The following PPIA variants were observed in gnomAD, a reference collection of about 807,000 sequenced individuals.
PPIA encodes peptidylprolyl isomerase A, also known as peptidyl-prolyl cis-trans isomerase A.
PPIA carries 2 observed loss-of-function variants against 15.3 expected under a neutral mutation model. The observed-to-expected ratio is 0.13, with a 90% confidence interval of 0.05 to 0.41. PPIA has a LOEUF of 0.41. Ranked by LOEUF, PPIA falls within the 10% of genes least tolerant of loss-of-function variation. The pLI, the probability that PPIA is intolerant of heterozygous loss-of-function variation, is 0.99. For synonymous variants in PPIA, 67 were observed against 73.1 expected (o/e 0.92, Z 0.43); for missense variants, 103 against 210.3 (o/e 0.49, Z 3.16).
Position 44,799,888 on chromosome 7 carries a change from A to T in PPIA, c.362+14A>T, listed in dbSNP as rs1247734520. ...CAAGACTGAGTGGTAAGGGTACAAC[A>T]TGGCACACTAACCACCTGACTAAAT... On this transcript the variant is annotated intron_variant, in intron 4 of 4. Transcript: ENST00000468812. 1 of 1,606,822 alleles carries T rather than the reference A, an allele frequency of 6.2e-7. No homozygotes were observed. The highest frequency in any genetic ancestry group is 1.7e-5 in the Admixed American group (1 of 59,976).
At chr7:44,797,131 G>A (rs1792397033) in intron 1 of PPIA, among the ~76,000 whole-genome samples, 1 of 152,218 alleles carries the variant, frequency 6.6e-6, no homozygotes, top group Non-Finnish European at 1.5e-5. Flanking sequence ...GAGTCGTTGG[G>A]CTCCGCCCTA....
At chr7:44,799,027 T>C (rs1236111184) in intron 1 of PPIA, 3 of 1,138,790 alleles carry the variant, frequency 2.6e-6, no homozygotes, top group Non-Finnish European at 3.5e-6. Context: ...ATTTAAGTTA[T>C]GACTAGTATT....
At chr7:44,801,011 G>GT (rs921940385) in intron 4 of PPIA, among the ~76,000 whole-genome samples, 2 of 151,628 alleles carry the variant, frequency 1.3e-5, no homozygotes, top group Non-Finnish European at 2.9e-5. Flanking sequence ...TAGAGACAGG[G>GT]TTTCACCGTG....
chr7:44,798,557 A>T, intron 1 of PPIA: 1 of 185,912 alleles, frequency 5.4e-6, no homozygotes, highest in Non-Finnish European at 1.0e-5. Context: ...CACGGATACT[A>T]GTAGTTAATT....
At position 44,801,648 on chromosome 7, in the gene PPIA, G is replaced by C; in HGVS notation, c.*226G>C. ...TAACAATTGTCCTCGTTTGAGTTAA[G>C]AGTGTTGATGTAGGCTTTATTTTAA... On this transcript the variant is annotated 3_prime_UTR_variant, in exon 5 of 5. Transcript: ENST00000468812. 1 of 57,772 alleles carries C rather than the reference G, an allele frequency of 1.7e-5. No homozygotes were observed. The highest frequency in any genetic ancestry group is 7.0e-5 in the East Asian group (1 of 14,272). The allele number at this position is 57,772 out of a possible 1,614,324, so 3.6% of individuals were successfully genotyped here. A position where few individuals can be genotyped will look rare whatever the true frequency, so the allele number is the denominator to read the frequency against.
Position 44,801,495 on chromosome 7 carries a change from T to G in PPIA, c.*73T>G. The G allele has an allele frequency of 8.6e-7, 1 of 1,169,436 alleles. No homozygotes were observed. Among genetic ancestry groups the G allele is most frequent in the Non-Finnish European group, 1.2e-6 (1 of 812,830 alleles). The allele number at this position is 1,169,436 out of a possible 1,614,324, so 72.4% of individuals were successfully genotyped here. Reference sequence around the variant, plus strand: ...TCAGGAGAGCACCCCTCCACCCCATTTGCTCGCAGTATCCTAGAATCTTTG... The same window carrying G: ...TCAGGAGAGCACCCCTCCACCCCATGTGCTCGCAGTATCCTAGAATCTTTG... On this transcript the variant is annotated 3_prime_UTR_variant, in exon 5 of 5. Transcript: ENST00000468812.
chr7:44,796,935 G>T lies in PPIA; in HGVS notation c.69+142G>T, dbSNP rs552219683. 4 of 940,888 alleles carry T rather than the reference G, an allele frequency of 4.3e-6. No homozygotes were observed. In the South Asian group the frequency reaches 7.4e-5, roughly 17 times the overall value. 58.3% of individuals were successfully genotyped at this position (940,888 alleles called of 1,614,324 possible). On this transcript the variant is annotated intron_variant, in intron 1 of 4. Transcript: ENST00000468812. ...GCGGGCTGCGGCGCCATTTCCTGACGAGGGGCCATTTTGGGAGGTCCGCGA... is the reference window on the plus strand; with the variant it reads ...GCGGGCTGCGGCGCCATTTCCTGACTAGGGGCCATTTTGGGAGGTCCGCGA...
intron 4 of PPIA, 94 bp from the exon 5 acceptor site, chr7:44,801,193 A>AG: frequency 7.4e-7 from 1 of 1,357,770 alleles, no homozygotes; most frequent in Non-Finnish European, 1.0e-6. Flanking sequence ...AGTTAAAAAA[A>AG]AAAAAAAAAG....
At chr7:44,799,933 A>C in intron 4 of PPIA, 59 bp downstream of exon 4, 2 of 1,527,658 alleles carry the variant, frequency 1.3e-6, no homozygotes, top group Non-Finnish European at 1.8e-6. Flanking sequence ...CCCTGGGGGG[A>C]ACGGAACAAA....
intron 4 of PPIA, among the ~76,000 whole-genome samples, chr7:44,801,073 T>G (rs17860081): frequency 0.03 from 4,521 of 150,728 alleles, 96 homozygotes; most frequent in Non-Finnish European, 0.043. Context: ...CGCCTTGGCC[T>G]CCCAAAGTGC....
chr7:44,796,763 C>G lies in PPIA; in HGVS notation c.39C>G (p.Asp13Glu). The G allele has an allele frequency of 6.2e-7, 1 of 1,609,320 alleles. No homozygotes were observed. The highest frequency in any genetic ancestry group is 8.5e-7 in the Non-Finnish European group (1 of 1,178,442). The change falls in exon 1 of 5, where the codon GAC (aspartate) becomes GAG (glutamate). Residue 13 changes from aspartate (D) to glutamate (E), a missense_variant. Coordinates refer to ENST00000468812, the MANE Select transcript of PPIA (RefSeq NM_021130.5). ...CCGTGTTCTTCGACATTGCCGTCGA[C>G]GGCGAGCCCTTGGGCCGCGTCTCCT... The part of the protein sequence containing the change: ...NPTVFFDIAV[D>E]GEPLGRVSFE...
chr7:44,799,374 T>C lies in PPIA; in HGVS notation c.101-18T>C. The C allele has an allele frequency of 6.2e-7, 1 of 1,610,496 alleles. No individual in the cohort carries two copies. The highest frequency in any genetic ancestry group is 1.1e-5 in the South Asian group (1 of 90,714). ...ATTTTTATGTATGTATATATGTGTT[T>C]AATTTTTTTTTAAACAGAAAATTTT... On this transcript the variant is annotated intron_variant, in intron 2 of 4. Coordinates refer to ENST00000468812, the MANE Select transcript of PPIA (RefSeq NM_021130.5).
At chr7:44,797,910 C>T (rs1792429129) in intron 1 of PPIA, 1 of 152,168 alleles carries the variant, frequency 6.6e-6, no homozygotes, top group Non-Finnish European at 1.5e-5. Context: ...GAGCGATTTC[C>T]TTGTTGCCTA....
Position 44,801,692 on chromosome 7 carries a change from T to G in PPIA, c.*270T>G, listed in dbSNP as rs1771739450. ...ATTTTAAGCAGTAATGGGTTACTTC[T>G]GAAACATCACTTGTTTGCTTAATTC... is the stretch of plus-strand genomic sequence containing the variant. On this transcript the variant is annotated 3_prime_UTR_variant, in exon 5 of 5. Coordinates refer to ENST00000468812, the MANE Select transcript of PPIA (RefSeq NM_021130.5). 1 of 340,842 alleles carries G rather than the reference T, an allele frequency of 2.9e-6. No individual in the cohort carries two copies. The highest frequency in any genetic ancestry group is 5.4e-6 in the Non-Finnish European group (1 of 184,030). 21.1% of individuals were successfully genotyped at this position (340,842 alleles called of 1,614,324 possible).
At chr7:44,799,927 G>C in intron 4 of PPIA, 53 bp downstream of exon 4, 2 of 1,559,460 alleles carry the variant, frequency 1.3e-6, no homozygotes, top group Non-Finnish European at 1.8e-6. Flanking sequence ...AAGTTGCCCT[G>C]GGGGGAACGG....
intron 4 of PPIA, among the ~76,000 whole-genome samples, 190 bp from the exon 5 acceptor site, chr7:44,801,097 G>A (rs920038442): frequency 1.3e-5 from 2 of 151,924 alleles, no homozygotes; most frequent in Non-Finnish European, 1.5e-5. Flanking sequence ...GATTACAGGC[G>A]TGAGCCACCG....
At position 44,802,177 on chromosome 7, in the gene PPIA, T is replaced by C. The variant is rs989631533; in HGVS notation, c.*755T>C. ...AAAATTGAGACATCTGTTGCGGTTT[T>C]TTTTTTTTTTTTTTCCCCTGGAATG... is the stretch of plus-strand genomic sequence containing the variant. On this transcript the variant is annotated 3_prime_UTR_variant, in exon 5 of 5. Transcript: ENST00000468812. 579 of 150,646 alleles carry C rather than the reference T, an allele frequency of 3.8e-3. 5 individuals are homozygous for C. Among genetic ancestry groups the C allele is most frequent in the South Asian group, 6.4e-3 (30 of 4,724 alleles). The allele number at this position is 150,646 out of a possible 1,614,324, so 9.3% of individuals were successfully genotyped here. A position where few individuals can be genotyped will look rare whatever the true frequency, so the allele number is the denominator to read the frequency against.
rs1017208325 is a variant in PPIA at position 44,798,999 on chromosome 7, C to G, written c.70-248C>G. The G allele has an allele frequency of 5.2e-6, 6 of 1,164,788 alleles. No homozygotes were observed. The Admixed American group carries it at 1.1e-4, about 22-fold the overall frequency. The allele number at this position is 1,164,788 out of a possible 1,614,324, so 72.2% of individuals were successfully genotyped here. ...TGTGATGTACTAAAAGTTTGAGACACTTTCTAGAAGTCTCACTATTTAAGT... is the reference window on the plus strand; with the variant it reads ...TGTGATGTACTAAAAGTTTGAGACAGTTTCTAGAAGTCTCACTATTTAAGT... On this transcript the variant is annotated intron_variant, in intron 1 of 4. Transcript: ENST00000468812.
chr7:44,798,729 T>C (rs1286837842), intron 1 of PPIA: 12 of 985,862 alleles, frequency 1.2e-5, no homozygotes, highest in Non-Finnish European at 1.4e-5. Context: ...CCAATCTTTA[T>C]TTTTTACCCC....
Sources: allele counts gnomAD v4.1 joint callset (sites outside exome capture counted in the v4.1 genomes callset), GRCh38; gene constraint gnomAD v4.1.1; transcripts MANE v1.5; gene names NCBI Gene and HGNC (gene_info 2026-07-23, HGNC 2026-07-21).